The following ANKRD36B variants were observed in gnomAD, a reference collection of about 807,000 sequenced individuals.
The protein encoded by ANKRD36B is ankyrin repeat domain-containing protein 36B.
ANKRD36B carries 37 observed loss-of-function variants against 135.7 expected under a neutral mutation model. That is an observed-to-expected ratio of 0.27 (90% CI 0.21 to 0.36). The LOEUF (loss-of-function observed/expected upper bound fraction) is 0.36. Ranked by LOEUF, ANKRD36B falls within the 10% of genes least tolerant of loss-of-function variation. ANKRD36B has a pLI of 1.00. For missense variants in ANKRD36B, 549 were observed against 1,037.1 expected, an observed-to-expected ratio of 0.53 and a Z score of 6.46; for synonymous variants, 179 against 348.1, an observed-to-expected ratio of 0.51 and a Z score of 5.41.
At position 97,544,306 on chromosome 2, in the gene ANKRD36B, T is replaced by C. The variant is rs1168563459; in HGVS notation, c.1682-321A>G. Among the ~76,000 whole-genome samples the C allele has an allele frequency of 3.3e-5, 3 of 90,022 alleles. 1 individual carries two copies. In the East Asian group the frequency reaches 7.2e-4, roughly 22 times the overall value. 59.1% of individuals were successfully genotyped at this position (90,022 alleles called of 152,430 possible). ...GATCTAAAATCAGAGGAGCAACTCA[T>C]ACAATTGAGAATCAATGTCAAAGCA... On this transcript the variant is annotated intron_variant, in intron 24 of 43. Transcript: ENST00000359901.
In ANKRD36B at chr2:97,553,329, G is replaced by A. The variant is rs770553675; in HGVS notation, c.1200+14C>T. 6.2e-7 allele frequency: 1 copy of A among 1,609,402 alleles called. No individual in the cohort carries two copies. The highest frequency in any genetic ancestry group is 8.5e-7 in the Non-Finnish European group (1 of 1,178,544). ...AGATTTACTAGTTCACAACATAAATGAGAGTTCAATTACCTTCAAGGCTTG... is the reference window on the plus strand; with the variant it reads ...AGATTTACTAGTTCACAACATAAATAAGAGTTCAATTACCTTCAAGGCTTG... On this transcript the variant is annotated intron_variant, in intron 15 of 43. Coordinates refer to ENST00000359901, the MANE Select transcript of ANKRD36B (RefSeq NM_001393939.1).
intron 6 of ANKRD36B, among the ~76,000 whole-genome samples, chr2:97,562,270 G>A (rs1242538089): frequency 2.0e-5 from 3 of 151,550 alleles, no homozygotes; most frequent in Admixed American, 1.3e-4. Flanking sequence ...TGTCATGATT[G>A]TCATGATTAT....
chr2:97,571,561 G>A (rs1368017969), intron 6 of ANKRD36B, among the ~76,000 whole-genome samples: 2 of 151,130 alleles, frequency 1.3e-5, no homozygotes, highest in Admixed American at 1.3e-4. Flanking sequence ...CAGGAGAAGC[G>A]TTTGAACCCA....
chr2:97,567,120 A>C (rs535667301), intron 6 of ANKRD36B, among the ~76,000 whole-genome samples: 1 of 152,122 alleles, frequency 6.6e-6, no homozygotes, highest in Non-Finnish European at 1.5e-5. Context: ...GTTTTTTATA[A>C]AGAATATTAA....
Position 97,585,075 on chromosome 2 carries a change from G to A in ANKRD36B, c.319C>T (p.Gln107Ter), listed in dbSNP as rs1234917322. 1 of 1,612,958 alleles carries A rather than the reference G, an allele frequency of 6.2e-7. No individual in the cohort carries two copies. The highest frequency in any genetic ancestry group is 8.5e-7 in the Non-Finnish European group (1 of 1,179,820). ...GTAATATTTGGATCGGCGCCATTTT[G>A]CAGCAGAAGAGTTGCACAAGCCTCC... ...RQEACATLLL[Q>*]NGADPNITDV... Residue 107 changes from glutamine (Q) to a stop codon, truncating the protein, a stop_gained, in exon 3 of 44, where the codon CAA (glutamine) becomes TAA (stop). Transcript: ENST00000359901. LOFTEE classifies it high-confidence loss of function.
In ANKRD36B at chr2:97,543,639, C is replaced by T. The variant is rs568171827; in HGVS notation, c.1783+151G>A. 6.4e-3 allele frequency: 1,654 copies of T among 260,024 alleles called. 318 individuals carry two copies. Among genetic ancestry groups the T allele is most frequent in the African/African-American group, 0.04 (1,436 of 35,990 alleles). The allele number at this position is 260,024 out of a possible 1,614,324, so 16.1% of individuals were successfully genotyped here. A position where few individuals can be genotyped will look rare whatever the true frequency, so the allele number is the denominator to read the frequency against. On this transcript the variant is annotated intron_variant, in intron 26 of 43. Transcript: ENST00000359901. The stretch of plus-strand genomic sequence containing the variant: ...TCATGTCCAAGACCAGCAGCATCAG[C>T]GTCACCCAAGAACTTATTAAAAATG...
intron 6 of ANKRD36B, among the ~76,000 whole-genome samples, chr2:97,561,328 C>G (rs2081003933): frequency 1.3e-5 from 2 of 151,882 alleles, no homozygotes; most frequent in Non-Finnish European, 2.9e-5. Context: ...TGAGAAGGTA[C>G]ACAATTATAA....
At position 97,551,415 on chromosome 2, in the gene ANKRD36B, G is replaced by C. The variant is rs775114867; in HGVS notation, c.1302+37C>G. On this transcript the variant is annotated intron_variant, in intron 17 of 43. Coordinates refer to ENST00000359901, the MANE Select transcript of ANKRD36B (RefSeq NM_001393939.1). Reference sequence around the variant, plus strand: ...ATAAGGTATGTTTCATAGGCTATACGTTTACTAGCTCACAATATAAATGAG... The same window carrying C: ...ATAAGGTATGTTTCATAGGCTATACCTTTACTAGCTCACAATATAAATGAG... 12 of 1,605,676 alleles carry C rather than the reference G, an allele frequency of 7.5e-6. No homozygotes were observed. In the East Asian group the frequency reaches 2.5e-4, roughly 33 times the overall value.
chr2:97,543,134 A>G (rs1228908318), intron 26 of ANKRD36B, among the ~76,000 whole-genome samples: 1 of 152,108 alleles, frequency 6.6e-6, no homozygotes, highest in Non-Finnish European at 1.5e-5. Context: ...AAAGAAGAGT[A>G]ATTAGTAAAT....
chr2:97,557,107 C>G lies in ANKRD36B; in HGVS notation c.993G>C (p.Gln331His). Reference sequence around the variant, plus strand: ...ATATAAATGAAAGAGTAACTACCTTCTGGGCCGATTGTTTCTGAGGAGACA... The same window carrying G: ...ATATAAATGAAAGAGTAACTACCTTGTGGGCCGATTGTTTCTGAGGAGACA... ...GTVSPQKQSAQKVIFKKKVSL... is the reference protein window; with the variant it reads ...GTVSPQKQSAHKVIFKKKVSL... The change falls in exon 11 of 44, where the codon CAG becomes CAC. Residue 331 changes from glutamine to histidine, a missense_variant. Transcript: ENST00000359901. The G allele has an allele frequency of 6.5e-7, 1 of 1,544,262 alleles. No homozygotes were observed. The highest frequency in any genetic ancestry group is 1.2e-5 in the South Asian group (1 of 83,380).
At chr2:97,560,352 C>A (rs2080909225) in intron 8 of ANKRD36B, among the ~76,000 whole-genome samples, 1 of 151,838 alleles carries the variant, frequency 6.6e-6, no homozygotes, top group Admixed American at 6.6e-5. Context: ...CATTCTCTTT[C>A]CCCTCTTGAT....
chr2:97,576,237 T>C (rs2082229159), intron 6 of ANKRD36B, 142 bp downstream of exon 6: 1 of 237,584 alleles, frequency 4.2e-6, no homozygotes, highest in East Asian at 8.7e-5. Context: ...TAAATAATTA[T>C]AAAATCTAGA....
At chr2:97,573,981 A>G (rs1462460025) in intron 6 of ANKRD36B, among the ~76,000 whole-genome samples, 1 of 152,232 alleles carries the variant, frequency 6.6e-6, no homozygotes, top group African/African-American at 2.4e-5. Flanking sequence ...GGCATGGGCA[A>G]GGACTTCATG....
At position 97,547,706 on chromosome 2, in the gene ANKRD36B, C is replaced by A. The variant is rs1431908231; in HGVS notation, c.1503G>T (p.Leu501Phe). ...ATATAAATGACAGTTTCATTACCTT[C>A]AAGCCTGGTGGTTGCTCAAAAGACA... ...RTVSFEQPPG[L>F]KATRDEKDSL... Residue 501 changes from leucine to phenylalanine, a missense_variant, in exon 21 of 44, where the codon TTG becomes TTT. Physicochemically the swap from Leu to Phe is conservative, Grantham distance 22. Coordinates refer to ENST00000359901, the MANE Select transcript of ANKRD36B (RefSeq NM_001393939.1). The A allele has an allele frequency of 6.4e-7, 1 of 1,561,464 alleles. No homozygotes were observed.
chr2:97,549,683 G>C, intron 18 of ANKRD36B, 69 bp from the exon 19 acceptor site: 2 of 1,599,646 alleles, frequency 1.3e-6, no homozygotes, highest in South Asian at 1.1e-5. Context: ...CATTCATGCA[G>C]TGTTAGCATC....
At chr2:97,574,975 A>G (rs979480535) in intron 6 of ANKRD36B, among the ~76,000 whole-genome samples, 1 of 152,110 alleles carries the variant, frequency 6.6e-6, no homozygotes, top group Non-Finnish European at 1.5e-5. Context: ...AGACATACCA[A>G]TCACATCAAT....
intron 6 of ANKRD36B, among the ~76,000 whole-genome samples, chr2:97,565,013 T>C (rs2081326895): frequency 1.7e-5 from 2 of 118,706 alleles, no homozygotes; most frequent in South Asian, 2.2e-4. Flanking sequence ...GAGCATGGAA[T>C]GTTTTTCCAT....
In ANKRD36B at chr2:97,535,486, AACACACACAC is replaced by A. The variant is rs201309834; in HGVS notation, c.2191+804_2191+813del. 6.5e-5 allele frequency among the ~76,000 whole-genome samples: 7 copies of A among 108,222 alleles called. 1 individual carries two copies. The highest frequency in any genetic ancestry group is 2.5e-4 in the South Asian group (1 of 3,942). The allele number at this position is 108,222 out of a possible 152,430, so 71.0% of individuals were successfully genotyped here. On this transcript the variant is annotated intron_variant, in intron 34 of 43. Coordinates refer to ENST00000359901, the MANE Select transcript of ANKRD36B (RefSeq NM_001393939.1). ...ATTAAAATTAAAAACAAAAAAATAA[AACACACACAC>A]ACACACACACACACACAGTGTGCTA...
rs1410680187 is a variant in ANKRD36B, at chr2:97,585,116, G to T, written c.278C>A (p.Ala93Asp). ...DREDRTPLIK[A>D]VQLRQEACAT... is the part of the protein sequence containing the mutation. The stretch of plus-strand genomic sequence containing the variant: ...ACAAGCCTCCTGCCTCAGTTGTACA[G>T]CCTGTCAGTATTAGACCGAGAAACA... Residue 93 changes from alanine to aspartate, a missense_variant and splice_region_variant, in exon 3 of 44, where the codon GCT (alanine) becomes GAT (aspartate). By Grantham distance (126) the Ala-to-Asp change is moderately radical (BLOSUM62 -2). Transcript: ENST00000359901. 1.2e-6 allele frequency: 2 copies of T among 1,613,462 alleles called. No homozygotes were observed. Among genetic ancestry groups the T allele is most frequent in the Non-Finnish European group, 1.7e-6 (2 of 1,179,748 alleles).
Sources: gnomAD v4.1 joint callset for allele counts (sites outside exome capture counted in the v4.1 genomes callset) on GRCh38, gnomAD v4.1.1 for gene constraint, MANE v1.5 for transcripts, NCBI Gene and HGNC (gene_info 2026-07-23, HGNC 2026-07-21) for gene names.